The following CNTLN variants were observed in gnomAD, a reference collection of about 807,000 sequenced individuals.
CNTLN encodes centlein, centrosomal protein.
In CNTLN, 212 loss-of-function variants were observed where a neutral mutation model predicts 180.0. That is an observed-to-expected ratio of 1.18 (90% CI 1.05 to 1.32). The LOEUF (loss-of-function observed/expected upper bound fraction) is 1.32. Ranked by LOEUF, CNTLN falls within the 40% of genes most tolerant of loss-of-function variation. The pLI is 0.00. For missense variants in CNTLN, 2,095 were observed against 1,610.9 expected (o/e 1.30, Z -5.14); for synonymous variants, 722 against 563.1 (o/e 1.28, Z -3.99).
At chr9:17,476,759 A>G (rs1186737130) in intron 23 of CNTLN, among the ~76,000 whole-genome samples, 2 of 152,204 alleles carry the variant, frequency 1.3e-5, no homozygotes, top group Admixed American at 6.5e-5. Context: ...TTAAGGAAGG[A>G]AGCCACCTAC....
intron 2 of CNTLN, among the ~76,000 whole-genome samples, chr9:17,189,096 T>TTTC (rs1821626682): frequency 7.0e-6 from 1 of 142,604 alleles, no homozygotes; most frequent in African/African-American, 2.6e-5. Context: ...TTTTTTTTTT[T>TTTC]TTTTGAGATG....
At chr9:17,499,334 T>C (rs539112720) in intron 25 of CNTLN, among the ~76,000 whole-genome samples, 1 of 152,302 alleles carries the variant, frequency 6.6e-6, no homozygotes, top group Non-Finnish European at 1.5e-5. Flanking sequence ...TAGCGTGTTA[T>C]AAGTAATAAC....
At chr9:17,416,950 C>G (rs1416374888) in intron 18 of CNTLN, among the ~76,000 whole-genome samples, 1 of 152,090 alleles carries the variant, frequency 6.6e-6, no homozygotes, top group African/African-American at 2.4e-5. Context: ...CACTTAAATT[C>G]TCTAATTCTA....
chr9:17,270,912 A>T (rs1432960951), intron 5 of CNTLN, among the ~76,000 whole-genome samples: 2 of 148,968 alleles, frequency 1.3e-5, no homozygotes, highest in East Asian at 2.0e-4. Context: ...TTAATTTTGT[A>T]TTAATATCAA....
intron 12 of CNTLN, among the ~76,000 whole-genome samples, chr9:17,365,148 G>T (rs1823707718): frequency 6.6e-6 from 1 of 152,140 alleles, no homozygotes; most frequent in Non-Finnish European, 1.5e-5. Context: ...GTGAAGGAGG[G>T]GTCTGGTGAG....
intron 6 of CNTLN, among the ~76,000 whole-genome samples, chr9:17,295,995 AGAGTGTGTGT>A (rs781121965): frequency 0.014 from 1,174 of 84,772 alleles, 9 homozygotes; most frequent in African/African-American, 0.053. Flanking sequence ...AGAGAGAGAG[AGAGTGTGTGT>A]GTGTGTGTGT....
chr9:17,180,419 C>T (rs1157853107), intron 2 of CNTLN, among the ~76,000 whole-genome samples: 9 of 149,614 alleles, frequency 6.0e-5, no homozygotes, highest in African/African-American at 2.2e-4. Context: ...CAATATTTTA[C>T]TACTTTAAGT....
At chr9:17,500,744 A>T (rs982093030) in intron 25 of CNTLN, among the ~76,000 whole-genome samples, 2 of 152,026 alleles carry the variant, frequency 1.3e-5, no homozygotes, top group East Asian at 1.9e-4. Context: ...ACGGGAAATT[A>T]CTCCCTTCTT....
In CNTLN at chr9:17,226,236, A is replaced by G. The variant is rs1824455163; in HGVS notation, c.483A>G (p.Lys161=). The G allele has an allele frequency of 6.3e-7, 1 of 1,582,066 alleles. No homozygotes were observed. The highest frequency in any genetic ancestry group is 2.3e-5 in the East Asian group (1 of 43,478). ...AGAAATCTGAAGCTAAAGACAGAAA[A>G]GTTCTAGAAATTCTGCAAGTCAAGG... ...EKQKSEAKDR[K]VLEILQVKDA... Residue 161 remains lysine (K), a synonymous_variant, in exon 3 of 26, where the codon AAA becomes AAG. Transcript: ENST00000380647.
intron 12 of CNTLN, among the ~76,000 whole-genome samples, chr9:17,347,857 A>G (rs544658451): frequency 1.3e-5 from 2 of 152,026 alleles, no homozygotes; most frequent in Admixed American, 6.6e-5. Flanking sequence ...TTTGAGACAG[A>G]GTCTCGCTCT....
chr9:17,409,228 C>T, intron 15 of CNTLN, 65 bp from the exon 16 acceptor site: 1 of 1,464,042 alleles, frequency 6.8e-7, no homozygotes, highest in Non-Finnish European at 9.4e-7. Flanking sequence ...TGGTCTTGAA[C>T]TTAAGACAAG....
intron 13 of CNTLN, among the ~76,000 whole-genome samples, chr9:17,367,866 G>T (rs1275747443): frequency 6.6e-6 from 1 of 151,802 alleles, no homozygotes; most frequent in Non-Finnish European, 1.5e-5. Flanking sequence ...TACACTGTGG[G>T]TCTTGGCTGA....
intron 7 of CNTLN, chr9:17,301,534 C>T (rs1235761288): frequency 3.0e-6 from 3 of 984,654 alleles, no homozygotes; most frequent in Non-Finnish European, 3.6e-6. Context: ...TTTTGTTTCT[C>T]AGAGATTACC....
At chr9:17,345,373 T>G (rs574939383) in intron 12 of CNTLN, among the ~76,000 whole-genome samples, 5 of 137,630 alleles carry the variant, frequency 3.6e-5, no homozygotes, top group Admixed American at 1.4e-4. Flanking sequence ...TGCTGACATT[T>G]TAGCTTGCAT....
At chr9:17,347,340 C>G (rs1396360326) in intron 12 of CNTLN, among the ~76,000 whole-genome samples, 2 of 152,080 alleles carry the variant, frequency 1.3e-5, no homozygotes, top group African/African-American at 2.4e-5. Flanking sequence ...TGGGTTATGT[C>G]CGGATAAATC....
At chr9:17,517,129 C>T in the CNTLN span, among the ~76,000 whole-genome samples, 28 of 152,038 alleles carry the variant, frequency 1.8e-4, no homozygotes, top group Admixed American at 1.4e-3. Flanking sequence ...CGGTGGCTCA[C>T]GCCTGTAATC....
intron 2 of CNTLN, chr9:17,168,517 A>G (rs747962068): frequency 6.6e-6 from 1 of 152,184 alleles, no homozygotes; most frequent in Non-Finnish European, 1.5e-5. Flanking sequence ...AAAAAATAAC[A>G]TGTAACTTGG....
intron 13 of CNTLN, among the ~76,000 whole-genome samples, chr9:17,375,654 C>T (rs1273669568): frequency 6.6e-6 from 1 of 151,978 alleles, no homozygotes; most frequent in Admixed American, 6.6e-5. Flanking sequence ...ATCAATAATT[C>T]GTTAATATTT....
At chr9:17,441,287 G>C (rs530477298) in intron 18 of CNTLN, among the ~76,000 whole-genome samples, 2 of 152,112 alleles carry the variant, frequency 1.3e-5, no homozygotes, top group South Asian at 4.2e-4. Context: ...AAAGGTCACT[G>C]GTAAAGGTAA....
Sources: gnomAD v4.1 joint callset for allele counts (sites outside exome capture counted in the v4.1 genomes callset) on GRCh38, gnomAD v4.1.1 for gene constraint, MANE v1.5 for transcripts, NCBI Gene and HGNC (gene_info 2026-07-23, HGNC 2026-07-21) for gene names.